TMC5: variants seen among roughly 807,000 people sequenced by gnomAD.
TMC5 encodes the protein transmembrane channel like 5, also known as transmembrane channel-like protein 5.
TMC5 carries 86 observed loss-of-function variants against 110.5 expected under a neutral mutation model. That is an observed-to-expected ratio of 0.78 (90% CI 0.65 to 0.93). The LOEUF is 0.93. Among genes scored for constraint, TMC5 ranks in the 40% least tolerant of loss-of-function variants. The pLI, the probability that TMC5 is intolerant of heterozygous loss-of-function variation, is 0.00. For missense variants in TMC5, 1,144 were observed against 1,222.8 expected (o/e 0.94, Z 0.96); for synonymous variants, 455 against 439.5 (o/e 1.04, Z -0.44).
At chr16:19,473,111 C>T (rs1008919362) in intron 11 of TMC5, among the ~76,000 whole-genome samples, 4 of 151,874 alleles carry the variant, frequency 2.6e-5, no homozygotes, top group Admixed American at 1.3e-4. Context: ...TTTGGGAGGC[C>T]GAGGCAGGCA....
At chr16:19,420,164 C>T (rs539456507) in intron 1 of TMC5, among the ~76,000 whole-genome samples, 9 of 152,114 alleles carry the variant, frequency 5.9e-5, no homozygotes, top group Admixed American at 1.3e-4. Context: ...TGGTGGGTCA[C>T]GTCTGTAATC....
intron 5 of TMC5, among the ~76,000 whole-genome samples, chr16:19,458,734 C>A (rs534213601): frequency 6.6e-6 from 1 of 152,280 alleles, no homozygotes; most frequent in African/African-American, 2.4e-5. Flanking sequence ...AATCTACTCA[C>A]CCTTCCTACC....
chr16:19,420,181 C>T (rs1966953041), intron 1 of TMC5, among the ~76,000 whole-genome samples: 1 of 152,066 alleles, frequency 6.6e-6, no homozygotes, highest in Non-Finnish European at 1.5e-5. Context: ...AATCCCAGCA[C>T]TTTGGGAGGC....
chr16:19,441,619 A>G (rs1234249438), intron 3 of TMC5, among the ~76,000 whole-genome samples: 1 of 151,784 alleles, frequency 6.6e-6, no homozygotes, highest in Non-Finnish European at 1.5e-5. Flanking sequence ...TGATTTTTAC[A>G]CTTTTATTTC....
chr16:19,463,158 T>TCCTCTTGCCTCAGC (rs1968071164), intron 6 of TMC5, 122 bp from the exon 7 acceptor site: 3 of 733,052 alleles, frequency 4.1e-6, no homozygotes, highest in Admixed American at 4.1e-5. Flanking sequence ...CTGGCCTCAG[T>TCCTCTTGCCTCAGC]GATCCTCTTG....
At chr16:19,495,450 C>G (rs9921267) in intron 20 of TMC5, among the ~76,000 whole-genome samples, 96 of 152,294 alleles carry the variant, frequency 6.3e-4, no homozygotes, top group African/African-American at 2.2e-3. Flanking sequence ...TTCCCTCCCC[C>G]GCAGCCCACC....
intron 3 of TMC5, among the ~76,000 whole-genome samples, chr16:19,441,774 G>A (rs531257354): frequency 6.6e-6 from 1 of 151,974 alleles, no homozygotes; most frequent in South Asian, 2.1e-4. Context: ...CCGGTTTTTT[G>A]TTGTTGTTGT....
chr16:19,458,515 G>A (rs917620562), intron 5 of TMC5, among the ~76,000 whole-genome samples: 3 of 152,034 alleles, frequency 2.0e-5, no homozygotes, highest in Non-Finnish European at 4.4e-5. Flanking sequence ...GCCCGGCCCA[G>A]AGATGCTGTT....
At chr16:19,413,523 CAAAAAAAAAAAAA>C (rs869158130), upstream of TMC5, among the ~76,000 whole-genome samples, 11 of 52,982 alleles carry the variant, frequency 2.1e-4, no homozygotes, top group East Asian at 1.4e-3. Flanking sequence ...AACCCTGCCT[CAAAAAAAAAAAAA>C]AAAAAAAAAA....
chr16:19,495,306 G>A lies in TMC5; in HGVS notation c.2931+940G>A, dbSNP rs1206657362. 1.3e-4 allele frequency among the ~76,000 whole-genome samples: 3 copies of A among 23,278 alleles called. 1 individual carries two copies. Among genetic ancestry groups the A allele is most frequent in the Admixed American group, 3.1e-4 (1 of 3,274 alleles). The allele number at this position is 23,278 out of a possible 152,430, so 15.3% of individuals were successfully genotyped here. A position where few individuals can be genotyped will look rare whatever the true frequency, so the allele number is the denominator to read the frequency against. On this transcript the variant is annotated intron_variant, in intron 20 of 21. Coordinates refer to ENST00000542583, the MANE Select transcript of TMC5 (RefSeq NM_001261841.2). The stretch of plus-strand genomic sequence containing the variant: ...TGGGATTACAGGCGTGAGCCACCGC[G>A]CCCGGCCTACTTCAGTGTCTATTCT...
intron 13 of TMC5, among the ~76,000 whole-genome samples, chr16:19,478,536 A>G (rs970902666): frequency 1.3e-5 from 2 of 152,108 alleles, no homozygotes; most frequent in African/African-American, 2.4e-5. Flanking sequence ...CTGTCCATCC[A>G]TGTATCCATC....
At chr16:19,470,043 T>G (rs570847512) in intron 10 of TMC5, among the ~76,000 whole-genome samples, 2 of 151,568 alleles carry the variant, frequency 1.3e-5, no homozygotes, top group African/African-American at 4.9e-5. Context: ...TACAGGCGCC[T>G]GCCACCATGC....
At chr16:19,487,452 G>C (rs376855759) in intron 17 of TMC5, 126 bp downstream of exon 17, 1 of 1,284,518 alleles carries the variant, frequency 7.8e-7, no homozygotes, top group Non-Finnish European at 1.0e-6. Flanking sequence ...CTGTGATCCC[G>C]GCACTATGGG....
At position 19,495,839 on chromosome 16, in the gene TMC5, T is replaced by TA. The variant is rs891783302; in HGVS notation, c.2932-1274dup. Among the ~76,000 whole-genome samples the TA allele has an allele frequency of 9.9e-5, 15 of 151,378 alleles. No individual in the cohort carries two copies. The South Asian group carries it at 2.7e-3, about 28-fold the overall frequency. On this transcript the variant is annotated intron_variant, in intron 20 of 21. Coordinates refer to ENST00000542583, the MANE Select transcript of TMC5 (RefSeq NM_001261841.2). ...GGGAGACAGAACAAGACCCTCTCTC[T>TA]AAAAAAAATTACCCTGGGCACAGTG...
chr16:19,422,054 C>A (rs1288854699), intron 1 of TMC5, among the ~76,000 whole-genome samples: 2 of 151,848 alleles, frequency 1.3e-5, no homozygotes, highest in Admixed American at 6.6e-5. Flanking sequence ...CATGGTGAAA[C>A]CCCGTCTCTA....
At chr16:19,448,861 T>A (rs1246753732) in intron 4 of TMC5, among the ~76,000 whole-genome samples, 15 of 143,396 alleles carry the variant, frequency 1.0e-4, no homozygotes. Flanking sequence ...ATGTATTTTT[T>A]TCTTTTTTTT....
chr16:19,425,341 T>G (rs1423761461), intron 1 of TMC5, among the ~76,000 whole-genome samples: 2 of 151,668 alleles, frequency 1.3e-5, no homozygotes, highest in African/African-American at 2.4e-5. Context: ...TTTTTTTTTT[T>G]TTTTTCCTGT....
Position 19,474,276 on chromosome 16 carries a change from G to A in TMC5, c.2090G>A (p.Arg697Gln), listed in dbSNP as rs201796464. 4.2e-5 allele frequency: 67 copies of A among 1,613,460 alleles called. No homozygotes were observed. Among genetic ancestry groups the A allele is most frequent in the Middle Eastern group, 3.3e-4 (2 of 6,056 alleles). The change falls in exon 12 of 22, where the codon CGA (arginine) becomes CAA (glutamine). Residue 697 changes from arginine (R) to glutamine (Q), a missense_variant and splice_region_variant. Arg to Gln is a conservative substitution (Grantham distance 43). Transcript: ENST00000542583. ...PRHEVYVLLI[R>Q]NIFLKISIIG... Reference sequence around the variant, plus strand: ...CACGAAGTCTACGTTCTCCTGATCCGGTAGGTGATGTGTCGCGCCCAACAC... The same window carrying A: ...CACGAAGTCTACGTTCTCCTGATCCAGTAGGTGATGTGTCGCGCCCAACAC...
At chr16:19,432,252 G>A (rs907060318) in intron 2 of TMC5, among the ~76,000 whole-genome samples, 1 of 152,166 alleles carries the variant, frequency 6.6e-6, no homozygotes, top group Non-Finnish European at 1.5e-5. Flanking sequence ...CATCAAGTAA[G>A]GAGTCCTCAA....
Sources: gnomAD v4.1 joint callset for allele counts (sites outside exome capture counted in the v4.1 genomes callset) on GRCh38, gnomAD v4.1.1 for gene constraint, MANE v1.5 for transcripts, NCBI Gene and HGNC (gene_info 2026-07-23, HGNC 2026-07-21) for gene names.